The following TRABD2B variants were observed in gnomAD, a reference collection of about 807,000 sequenced individuals.
TRABD2B encodes the protein metalloprotease TIKI2.
TRABD2B carries 14 observed loss-of-function variants against 40.1 expected under a neutral mutation model. The observed-to-expected ratio is 0.35, with a 90% confidence interval of 0.23 to 0.55. The LOEUF (loss-of-function observed/expected upper bound fraction) is 0.55, where lower values mean the gene tolerates loss of function less well. TRABD2B is among the 20% of genes least tolerant of loss of function. TRABD2B has a pLI of 0.90. For synonymous variants in TRABD2B, 263 were observed against 277.0 expected (o/e 0.95, Z 0.50); for missense variants, 541 against 648.6 (o/e 0.83, Z 1.80).
chr1:47,764,771 T>C lies in TRABD2B; in HGVS notation c.*1131A>G, dbSNP rs565463680. ...AGAACAGGGAACAGGAGGCAGGAAT[T>C]GTTTTGCATCACACTGATCTGGGGC... On this transcript the variant is annotated 3_prime_UTR_variant, in exon 7 of 7. Transcript: ENST00000606738. 2.4e-4 allele frequency: 36 copies of C among 152,274 alleles called. No homozygotes were observed. The highest frequency in any genetic ancestry group is 8.2e-4 in the African/African-American group (34 of 41,548). 9.4% of individuals were successfully genotyped at this position (152,274 alleles called of 1,614,324 possible). A position where few individuals can be genotyped will look rare whatever the true frequency, so the allele number is the denominator to read the frequency against.
At chr1:47,775,487 T>A in intron 5 of TRABD2B, 48 bp from the exon 6 acceptor site, 24 of 1,232,384 alleles carry the variant, frequency 1.9e-5, no homozygotes, top group Non-Finnish European at 2.3e-5. Flanking sequence ...GAGAATGTCA[T>A]CCATGTGTGG....
chr1:47,862,517 C>T (rs1319706099), intron 2 of TRABD2B, among the ~76,000 whole-genome samples: 3 of 151,442 alleles, frequency 2.0e-5, no homozygotes, highest in African/African-American at 2.4e-5. Context: ...ATATGAAATG[C>T]TAGGTATAAA....
At chr1:47,829,489 T>C (rs1272539340) in intron 2 of TRABD2B, among the ~76,000 whole-genome samples, 1 of 152,070 alleles carries the variant, frequency 6.6e-6, no homozygotes, top group Non-Finnish European at 1.5e-5. Context: ...ATAATCCACA[T>C]CCGTCTGCAG....
intron 2 of TRABD2B, among the ~76,000 whole-genome samples, chr1:47,971,662 A>C (rs1258981107): frequency 6.6e-6 from 1 of 152,056 alleles, no homozygotes; most frequent in Admixed American, 6.6e-5. Context: ...GGTACTCAAT[A>C]TATGCTCCTG....
In TRABD2B at chr1:47,760,749, A is replaced by C. The variant is rs1284586387; in HGVS notation, c.*5153T>G. 1 of 152,182 alleles carries C rather than the reference A, an allele frequency of 6.6e-6. No homozygotes were observed. Among genetic ancestry groups the C allele is most frequent in the Non-Finnish European group, 1.5e-5 (1 of 68,052 alleles). 9.4% of individuals were successfully genotyped at this position (152,182 alleles called of 1,614,324 possible). A position where few individuals can be genotyped will look rare whatever the true frequency, so the allele number is the denominator to read the frequency against. ...TTGCACAGTGAATCAACTCGGGGACAAGCTCTGTGAGGCTCAAGAATGGGG... is the reference window on the plus strand; with the variant it reads ...TTGCACAGTGAATCAACTCGGGGACCAGCTCTGTGAGGCTCAAGAATGGGG... On this transcript the variant is annotated 3_prime_UTR_variant, in exon 7 of 7. Coordinates refer to ENST00000606738, the MANE Select transcript of TRABD2B (RefSeq NM_001194986.2).
At chr1:47,847,457 A>G (rs902994985) in intron 2 of TRABD2B, among the ~76,000 whole-genome samples, 1 of 152,214 alleles carries the variant, frequency 6.6e-6, no homozygotes, top group Admixed American at 6.5e-5. Context: ...TCGGGTTGCA[A>G]TGAATTGAAT....
In TRABD2B at chr1:47,996,895, A is replaced by G. The variant is rs1646101594; in HGVS notation, c.-106T>C. ...AGTTTCCTCTGGAGCACGGGGCTCCAGCCGCAGGATGCTGGGCGCCCTCTG... is the reference window on the plus strand; with the variant it reads ...AGTTTCCTCTGGAGCACGGGGCTCCGGCCGCAGGATGCTGGGCGCCCTCTG... On this transcript the variant is annotated 5_prime_UTR_variant, in exon 1 of 7. Transcript: ENST00000606738. This position sits in a 1 kb window ranked among gnomAD's most constrained non-coding sequence, Gnocchi z 4.6. 1.8e-6 allele frequency: 2 copies of G among 1,128,750 alleles called. No individual in the cohort carries two copies. Among genetic ancestry groups the G allele is most frequent in the African/African-American group, 3.3e-5 (2 of 60,822 alleles). 69.9% of individuals were successfully genotyped at this position (1,128,750 alleles called of 1,614,324 possible).
At chr1:47,790,972 C>T (rs546627989) in intron 4 of TRABD2B, among the ~76,000 whole-genome samples, 2 of 152,352 alleles carry the variant, frequency 1.3e-5, no homozygotes, top group Admixed American at 1.3e-4. Flanking sequence ...TTCCCAGCAT[C>T]TCTTAGCTCA....
At chr1:47,931,007 T>A (rs548539390) in intron 2 of TRABD2B, among the ~76,000 whole-genome samples, 1 of 152,334 alleles carries the variant, frequency 6.6e-6, no homozygotes, top group African/African-American at 2.4e-5. Flanking sequence ...CTGCTTACTT[T>A]ATATATCCTG....
intron 2 of TRABD2B, among the ~76,000 whole-genome samples, chr1:47,866,740 C>T (rs1436121107): frequency 1.3e-5 from 2 of 152,198 alleles, no homozygotes; most frequent in South Asian, 4.1e-4. Flanking sequence ...GCCTGTGATG[C>T]AATCCAATGG....
chr1:47,844,393 T>C (rs1046187915), intron 2 of TRABD2B, among the ~76,000 whole-genome samples: 2 of 152,208 alleles, frequency 1.3e-5, no homozygotes, highest in Non-Finnish European at 2.9e-5. Flanking sequence ...GCAGCCCAGC[T>C]TGGAGGCGGG....
intron 2 of TRABD2B, among the ~76,000 whole-genome samples, chr1:47,920,563 C>T (rs1228401172): frequency 6.6e-6 from 1 of 152,236 alleles, no homozygotes; most frequent in African/African-American, 2.4e-5. Context: ...GAAAAGCATT[C>T]TTTAGCATGG....
At chr1:47,860,483 G>C (rs1294231997) in intron 2 of TRABD2B, among the ~76,000 whole-genome samples, 1 of 152,172 alleles carries the variant, frequency 6.6e-6, no homozygotes, top group South Asian at 2.1e-4. Context: ...CCAGGGGCTT[G>C]AGTCTGCTTG....
At chr1:47,873,411 T>C (rs928521358) in intron 2 of TRABD2B, among the ~76,000 whole-genome samples, 5 of 152,170 alleles carry the variant, frequency 3.3e-5, no homozygotes, top group African/African-American at 1.2e-4. Context: ...TTACCAAATT[T>C]ATGGGGTGGA....
At chr1:47,829,549 C>T (rs1645222444) in intron 2 of TRABD2B, among the ~76,000 whole-genome samples, 1 of 152,138 alleles carries the variant, frequency 6.6e-6, no homozygotes, top group African/African-American at 2.4e-5. Context: ...CTCTCCATCA[C>T]CACTCCCTGC....
chr1:47,960,400 A>G (rs1452310357), intron 2 of TRABD2B, among the ~76,000 whole-genome samples: 2 of 152,218 alleles, frequency 1.3e-5, no homozygotes, highest in Non-Finnish European at 2.9e-5. Flanking sequence ...AAGGGGATTC[A>G]ATTAGGAAAA....
chr1:47,783,904 C>T (rs1488840510), intron 4 of TRABD2B, among the ~76,000 whole-genome samples: 1 of 152,190 alleles, frequency 6.6e-6, no homozygotes, highest in Non-Finnish European at 1.5e-5. Flanking sequence ...CATCAATTAA[C>T]CATGTCACCT....
At chr1:47,878,616 A>T (rs1478780264) in intron 2 of TRABD2B, among the ~76,000 whole-genome samples, 2 of 152,244 alleles carry the variant, frequency 1.3e-5, no homozygotes, top group African/African-American at 4.8e-5. Flanking sequence ...CTACATTTTT[A>T]AAAATTAAAG....
chr1:47,909,609 C>T (rs1052847658), intron 2 of TRABD2B, among the ~76,000 whole-genome samples: 8 of 145,078 alleles, frequency 5.5e-5, no homozygotes, highest in South Asian at 4.4e-4. Context: ...AGGAGCCAGA[C>T]TCTTTTAAAC....
Sources: gnomAD v4.1 joint callset for allele counts (sites outside exome capture counted in the v4.1 genomes callset) on GRCh38, gnomAD v4.1.1 for gene constraint, Gnocchi (gnomAD v3.1) non-coding constraint, MANE v1.5 for transcripts, NCBI Gene and HGNC (gene_info 2026-07-23, HGNC 2026-07-21) for gene names.